Variants in KCND3 observed in about 807,000 individuals in gnomAD.
KCND3 encodes the protein potassium voltage-gated channel subfamily D member 3.
In KCND3, 9 loss-of-function variants were observed where a neutral mutation model predicts 51.1. The observed-to-expected ratio is 0.18, with a 90% CI of 0.11 to 0.31. The LOEUF is 0.31. Ranked by LOEUF, KCND3 falls within the 10% of genes least tolerant of loss-of-function variation. KCND3 has a pLI of 1.00. For missense variants in KCND3, 526 were observed against 903.8 expected, an observed-to-expected ratio of 0.58 and a Z score of 5.36; for synonymous variants, 349 against 368.0, an observed-to-expected ratio of 0.95 and a Z score of 0.59.
At chr1:111,953,588 G>A (rs1393626183) in intron 2 of KCND3, among the ~76,000 whole-genome samples, 1 of 152,242 alleles carries the variant, frequency 6.6e-6, no homozygotes, top group African/African-American at 2.4e-5. Flanking sequence ...CTGCCCAACT[G>A]AGAAGGGAGT....
chr1:111,810,656 G>A (rs772915340), intron 2 of KCND3, among the ~76,000 whole-genome samples: 1 of 152,198 alleles, frequency 6.6e-6, no homozygotes, highest in Non-Finnish European at 1.5e-5. Context: ...TCTTGTAGAC[G>A]TCTCTGTGAA....
intron 2 of KCND3, among the ~76,000 whole-genome samples, chr1:111,966,994 T>A (rs1674026705): frequency 6.6e-6 from 1 of 151,302 alleles, no homozygotes; most frequent in Non-Finnish European, 1.5e-5. Context: ...TACAAAAAAA[T>A]TTAGCCATGG....
chr1:111,786,758 C>T (rs1261681353), intron 3 of KCND3, among the ~76,000 whole-genome samples, 186 bp downstream of exon 3: 1 of 152,038 alleles, frequency 6.6e-6, no homozygotes, highest in Non-Finnish European at 1.5e-5. Flanking sequence ...GGTTCAGTGC[C>T]TTTTGGAACT....
At chr1:111,964,382 GA>G (rs964230383) in intron 2 of KCND3, among the ~76,000 whole-genome samples, 5 of 152,178 alleles carry the variant, frequency 3.3e-5, no homozygotes, top group African/African-American at 1.2e-4. Flanking sequence ...AGGTGGGTGA[GA>G]AGGAGTTACA....
chr1:111,869,666 T>C (rs774294532), intron 2 of KCND3, among the ~76,000 whole-genome samples: 1 of 152,256 alleles, frequency 6.6e-6, no homozygotes, highest in African/African-American at 2.4e-5. Flanking sequence ...GTTCCATGTG[T>C]ATCACCTCAT....
At chr1:111,799,577 G>A (rs776048115) in intron 2 of KCND3, among the ~76,000 whole-genome samples, 8 of 152,174 alleles carry the variant, frequency 5.3e-5, no homozygotes, top group Non-Finnish European at 1.0e-4. Flanking sequence ...AGAAGTTCTT[G>A]TACCTGAGTC....
intron 2 of KCND3, among the ~76,000 whole-genome samples, chr1:111,940,192 A>T (rs187857942): frequency 1.4e-5 from 2 of 139,876 alleles, no homozygotes; most frequent in Admixed American, 1.5e-4. Context: ...CTTTCTGATG[A>T]TAGTTTTTTT....
chr1:111,951,510 G>A (rs762877258), intron 2 of KCND3, among the ~76,000 whole-genome samples: 44 of 152,290 alleles, frequency 2.9e-4, no homozygotes, highest in Admixed American at 5.9e-4. Flanking sequence ...TGGCATCTGC[G>A]TTGACCACCT....
intron 2 of KCND3, among the ~76,000 whole-genome samples, chr1:111,915,492 C>T (rs928425214): frequency 6.6e-6 from 1 of 152,028 alleles, no homozygotes; most frequent in Non-Finnish European, 1.5e-5. Flanking sequence ...GTGGCTCATG[C>T]CTGTAATCCC....
chr1:111,842,404 A>T (rs1010464216), intron 2 of KCND3, among the ~76,000 whole-genome samples: 5 of 152,202 alleles, frequency 3.3e-5, no homozygotes, highest in African/African-American at 1.2e-4. Context: ...TCAGGGTCCT[A>T]GAGTGAGAAA....
intron 2 of KCND3, among the ~76,000 whole-genome samples, chr1:111,804,939 C>T (rs1179575598): frequency 5.3e-5 from 8 of 152,082 alleles, no homozygotes; most frequent in African/African-American, 9.7e-5. Context: ...GCACAGGAGG[C>T]GCCACCGCCT....
chr1:111,864,060 G>A (rs544656590), intron 2 of KCND3, among the ~76,000 whole-genome samples: 1 of 152,146 alleles, frequency 6.6e-6, no homozygotes, highest in Non-Finnish European at 1.5e-5. Context: ...GGGGAGCAGA[G>A]GAGGAGGAGC....
intron 2 of KCND3, among the ~76,000 whole-genome samples, chr1:111,847,343 AGT>A (rs1557974848): frequency 6.6e-6 from 1 of 152,146 alleles, no homozygotes; most frequent in South Asian, 2.1e-4. Context: ...AAAGCGTGTG[AGT>A]GTGTGTGAGT....
chr1:111,874,470 G>A (rs1245336377), intron 2 of KCND3, among the ~76,000 whole-genome samples: 1 of 152,186 alleles, frequency 6.6e-6, no homozygotes, highest in African/African-American at 2.4e-5. Context: ...TAAAGTGCCT[G>A]TGGTCTACCA....
In KCND3 at chr1:111,954,113, T is replaced by C. The variant is rs139759062; in HGVS notation, c.1106+27508A>G. On this transcript the variant is annotated intron_variant, in intron 2 of 7. Coordinates refer to ENST00000302127, the MANE Select transcript of KCND3 (RefSeq NM_001378969.1). ...GATGGAAGGCCCCTCAGATGGCCCA[T>C]AGAGCTCCCTTCTCTTAGTTCTAGT... 2.0e-5 allele frequency among the ~76,000 whole-genome samples: 3 copies of C among 152,282 alleles called. No individual in the cohort carries two copies. In the East Asian group the frequency reaches 5.8e-4, roughly 29 times the overall value.
rs1170371506 is a variant in KCND3, at chr1:111,982,235, G to A, written c.492C>T (p.Ser164=). The A allele has an allele frequency of 1.9e-6, 3 of 1,614,116 alleles. No homozygotes were observed. In the South Asian group the frequency reaches 3.3e-5, roughly 18 times the overall value. ...ENNQESMPSL[S]FRQTMWRAFE... Reference sequence around the variant, plus strand: ...AGGCCCGCCACATGGTCTGGCGGAAGCTGAGCGAGGGCATGGACTCCTGGT... The same window carrying A: ...AGGCCCGCCACATGGTCTGGCGGAAACTGAGCGAGGGCATGGACTCCTGGT... The change falls in exon 2 of 8, where the codon AGC becomes AGT. Residue 164 remains serine, a synonymous_variant. Coordinates refer to ENST00000302127, the MANE Select transcript of KCND3 (RefSeq NM_001378969.1). This position sits in a 1 kb window ranked among gnomAD's most constrained non-coding sequence, Gnocchi z 8.5.
intron 2 of KCND3, among the ~76,000 whole-genome samples, chr1:111,940,252 TG>T (rs1203017179): frequency 2.0e-5 from 3 of 152,098 alleles, no homozygotes; most frequent in African/African-American, 7.2e-5. Context: ...TTGTCAATTC[TG>T]GCTTTTGTTG....
intron 2 of KCND3, among the ~76,000 whole-genome samples, chr1:111,904,368 G>A (rs1394211482): frequency 6.6e-6 from 1 of 152,182 alleles, no homozygotes; most frequent in Non-Finnish European, 1.5e-5. Flanking sequence ...GGGGTTGGGG[G>A]TTGGTGGGTG....
At chr1:111,818,032 ACG>A (rs1340102494) in intron 2 of KCND3, among the ~76,000 whole-genome samples, 3 of 131,390 alleles carry the variant, frequency 2.3e-5, no homozygotes, top group East Asian at 2.3e-4. Flanking sequence ...CCATAGGCAC[ACG>A]CGCGTGCACA....
Sources: gnomAD v4.1 joint callset for allele counts (sites outside exome capture counted in the v4.1 genomes callset) on GRCh38, gnomAD v4.1.1 for gene constraint, Gnocchi (gnomAD v3.1) non-coding constraint, MANE v1.5 for transcripts, NCBI Gene and HGNC (gene_info 2026-07-23, HGNC 2026-07-21) for gene names.